PRDM16: variants seen among roughly 807,000 people sequenced by gnomAD.
The protein encoded by PRDM16 is PR/SET domain 16, also known as histone-lysine N-methyltransferase PRDM16.
PRDM16 carries 23 observed loss-of-function variants against 110.6 expected under a neutral mutation model. That is an observed-to-expected ratio of 0.21 (90% confidence interval 0.15 to 0.29). The LOEUF (loss-of-function observed/expected upper bound fraction) is 0.29. Ranked by LOEUF, PRDM16 falls within the 10% of genes least tolerant of loss-of-function variation. The pLI, the probability that PRDM16 is intolerant of heterozygous loss-of-function variation, is 1.00. For synonymous variants in PRDM16, 799 were observed against 781.8 expected (o/e 1.02, Z -0.37); for missense variants, 1,615 against 1,794.3 (o/e 0.90, Z 1.81).
Position 3,382,643 on chromosome 1 carries a change from G to A in PRDM16, c.439-2509G>A, listed in dbSNP as rs142512182. On this transcript the variant is annotated intron_variant, in intron 3 of 16. Coordinates refer to ENST00000270722, the MANE Select transcript of PRDM16 (RefSeq NM_022114.4). This position sits in a 1 kb window ranked among gnomAD's most constrained non-coding sequence, Gnocchi z 6.6. ...GCATTAGGGGTGAGTCCTGCCTCTT[G>A]GGAAGTGGCCTGAGCCCCATCAGCT... 2.6e-5 allele frequency among the ~76,000 whole-genome samples: 4 copies of A among 152,310 alleles called. No homozygotes were observed. Among genetic ancestry groups the A allele is most frequent in the African/African-American group, 9.6e-5 (4 of 41,562 alleles).
rs978369653 is a variant in PRDM16 at position 3,265,980 on chromosome 1, C to T, written c.438+21843C>T. Among the ~76,000 whole-genome samples, 4 of 152,194 alleles carry T rather than the reference C, an allele frequency of 2.6e-5. No individual in the cohort carries two copies. Among genetic ancestry groups the T allele is most frequent in the African/African-American group, 9.7e-5 (4 of 41,440 alleles). ...GCCCAGCCCCCAACTCAAGGGCCGCCCTCCAGCCTAGCGACGCCACCTGGC... is the reference window on the plus strand; with the variant it reads ...GCCCAGCCCCCAACTCAAGGGCCGCTCTCCAGCCTAGCGACGCCACCTGGC... On this transcript the variant is annotated intron_variant, in intron 3 of 16. Transcript: ENST00000270722. This position sits in a 1 kb window ranked among gnomAD's most constrained non-coding sequence, Gnocchi z 4.5.
chr1:3,387,019 A>G (rs1035072007), intron 4 of PRDM16: 2 of 152,174 alleles, frequency 1.3e-5, no homozygotes, highest in African/African-American at 4.8e-5. Context: ...TCATTGTATT[A>G]TTAATATTTC....
chr1:3,400,138 G>A (rs943301779), intron 5 of PRDM16, among the ~76,000 whole-genome samples: 5 of 152,168 alleles, frequency 3.3e-5, no homozygotes, highest in Non-Finnish European at 7.4e-5. Flanking sequence ...CTGCTTCCTC[G>A]GCCCCAAAAC....
At position 3,190,966 on chromosome 1, in the gene PRDM16, T is replaced by C. The variant is rs573233856; in HGVS notation, c.387+4492T>C. Among the ~76,000 whole-genome samples the C allele has an allele frequency of 6.7e-4, 102 of 152,224 alleles. No individual in the cohort carries two copies. Among genetic ancestry groups the C allele is most frequent in the African/African-American group, 2.4e-3 (100 of 41,556 alleles). On this transcript the variant is annotated intron_variant, in intron 2 of 16. Coordinates refer to ENST00000270722, the MANE Select transcript of PRDM16 (RefSeq NM_022114.4). The surrounding 1 kb of genome is among the most constrained non-coding windows in gnomAD (Gnocchi z 5.0). ...AGCTGTGTGTCCAGGGTCCTGCAGC[T>C]TGGGGCCTGCTGGGGCGGGATCCCG...
At chr1:3,164,727 C>T (rs1418080041) in intron 1 of PRDM16, among the ~76,000 whole-genome samples, 7 of 152,112 alleles carry the variant, frequency 4.6e-5, no homozygotes, top group South Asian at 2.1e-4. Flanking sequence ...CACGGTCCCG[C>T]GTGATCATGG....
At chr1:3,241,625 A>T (rs1027456049) in intron 2 of PRDM16, among the ~76,000 whole-genome samples, 3 of 152,242 alleles carry the variant, frequency 2.0e-5, no homozygotes, top group Non-Finnish European at 2.9e-5. Flanking sequence ...AGTGCTGGCC[A>T]AGCCCACGCA....
chr1:3,285,529 AAGCTGTGACATGCTCGCTCGGGAGCTTGG>A (rs1167382499), intron 3 of PRDM16, among the ~76,000 whole-genome samples: 5 of 152,088 alleles, frequency 3.3e-5, no homozygotes, highest in African/African-American at 4.8e-5. Context: ...TGCTCCCAGG[AAGCTGTGACATGCTCGCTCGGGAGCTTGG>A]AGCTGTGACA....
At chr1:3,332,693 A>C (rs1642066486) in intron 3 of PRDM16, among the ~76,000 whole-genome samples, 2 of 151,258 alleles carry the variant, frequency 1.3e-5, no homozygotes. Flanking sequence ...GGCTTTCACC[A>C]CCCCAGGAGA....
chr1:3,316,923 C>T (rs116572061), intron 3 of PRDM16, among the ~76,000 whole-genome samples: 4,865 of 152,174 alleles, frequency 0.032, 243 homozygotes, highest in African/African-American at 0.11. Flanking sequence ...AGCTAAGAAG[C>T]ATTGACAGGA....
At chr1:3,251,209 C>T (rs570195298) in intron 3 of PRDM16, among the ~76,000 whole-genome samples, 191 of 152,300 alleles carry the variant, frequency 1.3e-3, no homozygotes, top group African/African-American at 3.8e-3. Flanking sequence ...TGGTTCTGCC[C>T]GGGGCAGCGC....
intron 3 of PRDM16, among the ~76,000 whole-genome samples, chr1:3,320,989 G>A (rs1570064733): frequency 6.6e-6 from 1 of 152,212 alleles, no homozygotes. Flanking sequence ...GACGAAACGC[G>A]TGCCCTTCCT....
chr1:3,250,485 A>G (rs1452359499), intron 3 of PRDM16, among the ~76,000 whole-genome samples: 1 of 151,662 alleles, frequency 6.6e-6, no homozygotes, highest in Non-Finnish European at 1.5e-5. Flanking sequence ...CCGCCATTCT[A>G]AATTGAGTTG....
Position 3,269,531 on chromosome 1 carries a change from G to A in PRDM16, c.438+25394G>A, listed in dbSNP as rs551761536. ...GAGGACAGTTGGGAGGAGGACAGTC[G>A]GGGAGGAGCACAGTCCTGGAAGACA... On this transcript the variant is annotated intron_variant, in intron 3 of 16. Coordinates refer to ENST00000270722, the MANE Select transcript of PRDM16 (RefSeq NM_022114.4). Among the ~76,000 whole-genome samples, 5 of 138,466 alleles carry A rather than the reference G, an allele frequency of 3.6e-5. No homozygotes were observed. In the East Asian group the frequency reaches 8.8e-4, roughly 24 times the overall value. The allele number at this position is 138,466 out of a possible 152,430, so 90.8% of individuals were successfully genotyped here.
At chr1:3,417,341 G>A (rs1456956747) in intron 10 of PRDM16, among the ~76,000 whole-genome samples, 2 of 152,200 alleles carry the variant, frequency 1.3e-5, no homozygotes, top group Non-Finnish European at 2.9e-5. Context: ...TGCTTTAAAC[G>A]GAGATTCAGG....
At chr1:3,131,730 G>A (rs1643338770) in intron 1 of PRDM16, among the ~76,000 whole-genome samples, 1 of 152,228 alleles carries the variant, frequency 6.6e-6, no homozygotes, top group Admixed American at 6.5e-5. Flanking sequence ...CTGAGGTGAT[G>A]GTGTGGTGCA....
intron 2 of PRDM16, among the ~76,000 whole-genome samples, chr1:3,191,552 G>A (rs933381470): frequency 1.3e-5 from 2 of 152,232 alleles, no homozygotes; most frequent in Non-Finnish European, 2.9e-5. Flanking sequence ...GTCCTCACAT[G>A]TAATATGGAA....
intron 1 of PRDM16, among the ~76,000 whole-genome samples, chr1:3,136,098 C>A (rs1258044705): frequency 6.6e-6 from 1 of 152,134 alleles, no homozygotes; most frequent in Non-Finnish European, 1.5e-5. Flanking sequence ...CCTCCAGCAG[C>A]CTAGGAGCCA....
chr1:3,318,736 C>T (rs1641671811), intron 3 of PRDM16, among the ~76,000 whole-genome samples: 1 of 152,204 alleles, frequency 6.6e-6, no homozygotes, highest in African/African-American at 2.4e-5. Context: ...TTCCAAATTG[C>T]AAGTCACAGA....
In PRDM16 at chr1:3,186,371, G is replaced by A; in HGVS notation, c.284G>A (p.Gly95Asp). Residue 95 changes from glycine (G) to aspartate (D), a missense_variant, in exon 2 of 17, where the codon GGC becomes GAC. Gly to Asp is a moderately conservative substitution (Grantham distance 94). This residue lies in a region of PRDM16 where 416 missense variants were observed against 467.1 expected (regional missense o/e 0.89). Coordinates refer to ENST00000270722, the MANE Select transcript of PRDM16 (RefSeq NM_022114.4). ...ELRESSIPGA[G>D]LGVWAKRKME... ...CGAGAGTCCTCCATCCCAGGGGCTG[G>A]CCTGGGGGTCTGGGCCAAGAGGAAG... is the stretch of plus-strand genomic sequence containing the variant. 6.2e-7 allele frequency: 1 copy of A among 1,611,504 alleles called. No individual in the cohort carries two copies. Among genetic ancestry groups the A allele is most frequent in the East Asian group, 2.2e-5 (1 of 44,850 alleles).
Sources: allele counts gnomAD v4.1 joint callset (sites outside exome capture counted in the v4.1 genomes callset), GRCh38; gene constraint gnomAD v4.1.1; regional missense constraint gnomAD v4.1.1; non-coding constraint Gnocchi (gnomAD v3.1); transcripts MANE v1.5; gene names NCBI Gene and HGNC (gene_info 2026-07-23, HGNC 2026-07-21).